Variants in DIAPH2 observed in about 807,000 individuals in gnomAD.
DIAPH2 encodes protein diaphanous homolog 2.
Under a neutral mutation model 92.7 loss-of-function variants are expected in DIAPH2, and 35 were observed. The observed-to-expected ratio is 0.38, with a 90% CI of 0.29 to 0.50. The LOEUF (loss-of-function observed/expected upper bound fraction) is 0.50. Among genes scored for constraint, DIAPH2 ranks in the 20% least tolerant of loss-of-function variants. DIAPH2 has a pLI of 0.94. For synonymous variants in DIAPH2, 301 were observed against 280.4 expected, an observed-to-expected ratio of 1.07 and a Z score of -0.73; for missense variants, 701 against 819.5, an observed-to-expected ratio of 0.86 and a Z score of 1.77.
At chrX:96,932,458 G>A (rs2029746) in intron 10 of DIAPH2, among the ~76,000 whole-genome samples, 2,447 of 110,260 alleles carry the variant, frequency 0.022, 113 homozygotes, top group Admixed American at 0.15. Flanking sequence ...ACTTTTGTCT[G>A]GGTATATTAA....
chrX:96,717,816 GTA>G (rs61272505), intron 1 of DIAPH2, among the ~76,000 whole-genome samples: 3,494 of 36,072 alleles, frequency 0.097, 156 homozygotes, highest in Non-Finnish European at 0.12. Flanking sequence ...TGGGTATATA[GTA>G]TATATATATA....
chrX:97,456,794 T>C (rs374172481), intron 26 of DIAPH2, among the ~76,000 whole-genome samples: 4 of 111,929 alleles, frequency 3.6e-5, no homozygotes, highest in African/African-American at 1.3e-4. Context: ...ATCAATTTTG[T>C]TTTCTCCATA....
intron 19 of DIAPH2, among the ~76,000 whole-genome samples, chrX:97,086,302 T>TGTGTGATCTCATTTATACA: frequency 8.9e-6 from 1 of 111,774 alleles, no homozygotes; most frequent in Non-Finnish European, 1.9e-5. Context: ...AGACATATAC[T>TGTGTGATCTCATTTATACA]GTGTGATCTC....
chrX:97,401,879 C>A, intron 25 of DIAPH2, among the ~76,000 whole-genome samples: 1 of 112,803 alleles, frequency 8.9e-6, no homozygotes, highest in Non-Finnish European at 1.9e-5. Flanking sequence ...ACCACCTTGT[C>A]TACTAGGCTT....
At chrX:97,479,882 C>T (rs1447563115) in intron 26 of DIAPH2, among the ~76,000 whole-genome samples, 1 of 110,363 alleles carries the variant, frequency 9.1e-6, no homozygotes, top group African/African-American at 3.3e-5. Flanking sequence ...ATTAGACATC[C>T]CATTTTAGTT....
intron 23 of DIAPH2, among the ~76,000 whole-genome samples, chrX:97,278,104 A>C (rs2068466875): frequency 8.9e-6 from 1 of 112,256 alleles, no homozygotes; most frequent in Non-Finnish European, 1.9e-5. Context: ...TCGGCCTCCC[A>C]AAGTGCTGGG....
chrX:97,554,338 T>G (rs998766954), intron 26 of DIAPH2, among the ~76,000 whole-genome samples: 2 of 112,331 alleles, frequency 1.8e-5, no homozygotes. Context: ...TTGATACATA[T>G]AAAGCTTTGT....
chrX:97,273,724 C>A (rs1434620693), intron 23 of DIAPH2, among the ~76,000 whole-genome samples: 1 of 111,650 alleles, frequency 9.0e-6, no homozygotes, highest in Non-Finnish European at 1.9e-5. Flanking sequence ...AAAATGGCTC[C>A]AGGAGTCTGT....
At chrX:97,471,428 C>T (rs779855435) in intron 26 of DIAPH2, among the ~76,000 whole-genome samples, 8 of 111,503 alleles carry the variant, frequency 7.2e-5, no homozygotes, top group African/African-American at 9.8e-5. Context: ...TGGTGGCTCA[C>T]GCCTGTAATC....
At chrX:97,498,888 T>C (rs146287848) in intron 26 of DIAPH2, among the ~76,000 whole-genome samples, 1,491 of 111,309 alleles carry the variant, frequency 0.013, 24 homozygotes, top group African/African-American at 0.047. Flanking sequence ...GCAGGTATAG[T>C]GAACCCCCAG....
At chrX:97,319,446 T>G (rs28490343) in intron 23 of DIAPH2, among the ~76,000 whole-genome samples, 2,536 of 109,002 alleles carry the variant, frequency 0.023, 27 homozygotes, top group Middle Eastern at 0.039. Flanking sequence ...CAGACTGCAG[T>G]GGCGCTATCT....
At chrX:97,393,618 G>C (rs982874266) in intron 25 of DIAPH2, among the ~76,000 whole-genome samples, 25 of 111,630 alleles carry the variant, frequency 2.2e-4, no homozygotes, top group Non-Finnish European at 4.3e-4. Context: ...TGATATAGAG[G>C]ATAATTATGT....
intron 4 of DIAPH2, among the ~76,000 whole-genome samples, chrX:96,819,530 C>T (rs1045268166): frequency 2.7e-5 from 3 of 111,838 alleles, no homozygotes; most frequent in Non-Finnish European, 5.6e-5. Flanking sequence ...TTTTGCAGGG[C>T]ATTTGATAGT....
At chrX:97,139,287 C>T (rs2067193577) in intron 21 of DIAPH2, among the ~76,000 whole-genome samples, 1 of 107,678 alleles carries the variant, frequency 9.3e-6, no homozygotes, top group Non-Finnish European at 1.9e-5. Flanking sequence ...AATTAAGCTT[C>T]AATAAGTAAA....
At chrX:97,515,400 G>A (rs1313578593) in intron 26 of DIAPH2, among the ~76,000 whole-genome samples, 8 of 112,174 alleles carry the variant, frequency 7.1e-5, no homozygotes, top group African/African-American at 2.6e-4. Context: ...ACTGTCCTGC[G>A]CCCACTGTCT....
intron 1 of DIAPH2, 150 bp from the exon 2 acceptor site, chrX:96,735,608 A>G: frequency 2.6e-6 from 1 of 384,045 alleles, no homozygotes; most frequent in East Asian, 4.7e-5. Context: ...TTCTTTAAAG[A>G]ATGTATTGTT....
chrX:97,503,972 C>T (rs1034824087), intron 26 of DIAPH2, among the ~76,000 whole-genome samples: 28 of 111,299 alleles, frequency 2.5e-4, no homozygotes, highest in Non-Finnish European at 3.8e-4. Flanking sequence ...TGGAAGAACT[C>T]TCTATTATTT....
chrX:96,993,640 C>A lies in DIAPH2; in HGVS notation c.2050+28433C>A, dbSNP rs915203821. 1.2e-4 allele frequency among the ~76,000 whole-genome samples: 13 copies of A among 111,694 alleles called. 1 individual carries two copies. The highest frequency in any genetic ancestry group is 3.9e-4 in the African/African-American group (12 of 30,688). On this transcript the variant is annotated intron_variant, in intron 17 of 26. Transcript: ENST00000324765. ...GCAGTCACCTCCCACCAGCTCCCTCCCCCAACACTGGGGATTACAATTTAA... is the reference window on the plus strand; with the variant it reads ...GCAGTCACCTCCCACCAGCTCCCTCACCCAACACTGGGGATTACAATTTAA...
At chrX:97,302,995 A>G (rs1342418810) in intron 23 of DIAPH2, among the ~76,000 whole-genome samples, 3 of 112,442 alleles carry the variant, frequency 2.7e-5, no homozygotes, top group African/African-American at 9.7e-5. Context: ...AAAACAAAAG[A>G]TATCTCCTAT....
Sources: gnomAD v4.1 joint callset for allele counts (sites outside exome capture counted in the v4.1 genomes callset) on GRCh38, gnomAD v4.1.1 for gene constraint, MANE v1.5 for transcripts, NCBI Gene and HGNC (gene_info 2026-07-23, HGNC 2026-07-21) for gene names.